Variants in KDM3B observed in about 807,000 individuals in gnomAD.
The protein encoded by KDM3B is lysine demethylase 3B.
Under a neutral mutation model 170.0 loss-of-function variants are expected in KDM3B, and 10 were observed. The observed-to-expected ratio is 0.06, with a 90% confidence interval of 0.04 to 0.10. The LOEUF (loss-of-function observed/expected upper bound fraction) is 0.10, where lower values mean the gene tolerates loss of function less well. Among genes scored for constraint, KDM3B ranks in the 10% least tolerant of loss-of-function variants. The probability of loss-of-function intolerance (pLI) is 1.00; values close to 1 mark genes in which losing one functional copy is unlikely to be tolerated. For missense variants in KDM3B, 1,394 were observed against 2,195.2 expected, an observed-to-expected ratio of 0.64 and a Z score of 7.29; for synonymous variants, 831 against 834.8, an observed-to-expected ratio of 1.00 and a Z score of 0.08.
At chr5:138,408,440 A>G (rs1762880651) in intron 11 of KDM3B, among the ~76,000 whole-genome samples, 1 of 152,020 alleles carries the variant, frequency 6.6e-6, no homozygotes, top group South Asian at 2.1e-4. Context: ...AAATCTTTCA[A>G]CAAAGAAAAC....
At chr5:138,363,028 C>T (rs575207431) in intron 1 of KDM3B, among the ~76,000 whole-genome samples, 1 of 151,972 alleles carries the variant, frequency 6.6e-6, no homozygotes, top group South Asian at 2.1e-4. Flanking sequence ...TGTGATGCCC[C>T]TTACATGTAA....
intron 6 of KDM3B, among the ~76,000 whole-genome samples, chr5:138,382,655 A>G (rs1762155219): frequency 6.6e-6 from 1 of 152,124 alleles, no homozygotes; most frequent in Admixed American, 6.6e-5. Flanking sequence ...ACAAGATCAG[A>G]ATAGGAAAAG....
intron 6 of KDM3B, among the ~76,000 whole-genome samples, chr5:138,383,033 G>A (rs1315121819): frequency 6.6e-6 from 1 of 152,140 alleles, no homozygotes; most frequent in Non-Finnish European, 1.5e-5. Flanking sequence ...GTAGCTCACT[G>A]TAAGTAGGAC....
chr5:138,394,614 G>C (rs1250485424), intron 9 of KDM3B, among the ~76,000 whole-genome samples: 1 of 152,132 alleles, frequency 6.6e-6, no homozygotes, highest in Non-Finnish European at 1.5e-5. Context: ...CATAAAGTTA[G>C]GTTGCTAAAA....
At chr5:138,374,001 G>GT (rs962585399) in intron 2 of KDM3B, among the ~76,000 whole-genome samples, 2 of 151,620 alleles carry the variant, frequency 1.3e-5, no homozygotes, top group Non-Finnish European at 2.9e-5. Flanking sequence ...TTTGTTTTTT[G>GT]TTTTTTTCTT....
chr5:138,353,552 G>A (rs1459220343), intron 1 of KDM3B, among the ~76,000 whole-genome samples: 1 of 152,114 alleles, frequency 6.6e-6, no homozygotes, highest in Non-Finnish European at 1.5e-5. Context: ...TCTCCAGAAA[G>A]GCCAGCTCTC....
chr5:138,419,766 C>CACACACATAT (rs1371751932), intron 14 of KDM3B, among the ~76,000 whole-genome samples: 2 of 131,996 alleles, frequency 1.5e-5, no homozygotes, highest in East Asian at 4.0e-4. Flanking sequence ...CACACACACA[C>CACACACATAT]ATATATATGA....
intron 1 of KDM3B, among the ~76,000 whole-genome samples, chr5:138,355,212 TGAGTAATGCCTAGCAGGGC>T (rs1027713184): frequency 1.3e-5 from 2 of 152,250 alleles, no homozygotes; most frequent in African/African-American, 4.8e-5. Context: ...TGCTTGGTTT[TGAGTAATGCCTAGCAGGGC>T]GCCCCCTTTT....
intron 1 of KDM3B, among the ~76,000 whole-genome samples, chr5:138,371,506 G>A (rs1467342266): frequency 6.6e-6 from 1 of 150,590 alleles, no homozygotes; most frequent in Non-Finnish European, 1.5e-5. Context: ...TTAGAAAAAT[G>A]TAGCTTCATT....
At chr5:138,410,512 AG>A (rs923342051) in intron 11 of KDM3B, among the ~76,000 whole-genome samples, 9 of 152,068 alleles carry the variant, frequency 5.9e-5, no homozygotes, top group African/African-American at 1.9e-4. Context: ...GAACCTCTGG[AG>A]GGACCAGCCC....
chr5:138,418,835 G>T (rs1763176314), intron 13 of KDM3B, 118 bp from the exon 14 acceptor site: 1 of 942,774 alleles, frequency 1.1e-6, no homozygotes, highest in Non-Finnish European at 1.6e-6. Context: ...TGTATGAAAT[G>T]CCAGTTTACA....
intron 22 of KDM3B, among the ~76,000 whole-genome samples, chr5:138,430,905 T>A (rs1046566914): frequency 3.3e-5 from 5 of 152,048 alleles, no homozygotes; most frequent in African/African-American, 1.2e-4. Context: ...AAAAAAAATT[T>A]AAACAATGCA....
chr5:138,412,268 G>A (rs1043641515), intron 11 of KDM3B, among the ~76,000 whole-genome samples: 2 of 151,578 alleles, frequency 1.3e-5, no homozygotes, highest in Admixed American at 6.6e-5. Context: ...CCCAGGAAGC[G>A]GAGGTTGCAG....
chr5:138,382,316 A>C (rs1459271354), intron 6 of KDM3B, among the ~76,000 whole-genome samples: 1 of 151,590 alleles, frequency 6.6e-6, no homozygotes, highest in Non-Finnish European at 1.5e-5. Context: ...GCCAGGCCTG[A>C]TGGTGGGTGC....
rs761867095 is a variant in KDM3B, at chr5:138,389,210, TAAAAG to T, written c.1381-1798_1381-1794del. 2.0e-5 allele frequency among the ~76,000 whole-genome samples: 3 copies of T among 152,058 alleles called. No homozygotes were observed. The South Asian group carries it at 6.2e-4, about 31-fold the overall frequency. ...CAATACTTACTGGTTAGTAGGAAGA[TAAAAG>T]AAAAAAGAAAAGGAGTTTTATTTTT... On this transcript the variant is annotated intron_variant, in intron 7 of 23. Transcript: ENST00000314358.
chr5:138,420,924 G>C lies in KDM3B; in HGVS notation c.3934G>C (p.Gly1312Arg). The part of the protein sequence containing the change: ...GKLPQTPLDT[G>R]IPFPPVFSTS... ...ACTTCCTCAAACCCCCTTGGACACA[G>C]GCATACCCTTTCCCCCGGTCTTCTC... Residue 1312 changes from glycine to arginine, a missense_variant, in exon 15 of 24, where the codon GGC becomes CGC. Transcript: ENST00000314358. The C allele has an allele frequency of 1.2e-6, 2 of 1,614,036 alleles. No homozygotes were observed. Among genetic ancestry groups the C allele is most frequent in the Non-Finnish European group, 8.5e-7 (1 of 1,179,956 alleles).
chr5:138,384,704 A>C (rs1580899689), intron 6 of KDM3B, among the ~76,000 whole-genome samples: 1 of 146,246 alleles, frequency 6.8e-6, no homozygotes, highest in South Asian at 2.2e-4. Flanking sequence ...ACACCATCGC[A>C]CTCCAGCCTG....
intron 11 of KDM3B, among the ~76,000 whole-genome samples, chr5:138,411,139 G>A (rs1762957957): frequency 6.6e-6 from 1 of 151,972 alleles, no homozygotes. Flanking sequence ...TTTCGCTACT[G>A]CTAGACCACG....
intron 11 of KDM3B, among the ~76,000 whole-genome samples, chr5:138,406,365 CAGGCACAG>C (rs1356046208): frequency 6.6e-6 from 1 of 152,048 alleles, no homozygotes; most frequent in Non-Finnish European, 1.5e-5. Context: ...AAGTTAAGGT[CAGGCACAG>C]TGGCTCACGC....
Sources: gnomAD v4.1 joint callset for allele counts (sites outside exome capture counted in the v4.1 genomes callset) on GRCh38, gnomAD v4.1.1 for gene constraint, MANE v1.5 for transcripts, NCBI Gene and HGNC (gene_info 2026-07-23, HGNC 2026-07-21) for gene names.